KCNK9: variants seen among roughly 807,000 people sequenced by gnomAD.
KCNK9 encodes potassium two pore domain channel subfamily K member 9.
KCNK9 carries 1 observed loss-of-function variant against 10.8 expected under a neutral mutation model. The observed-to-expected ratio is 0.09, with a 90% CI of 0.03 to 0.44. The LOEUF is 0.44. Among genes scored for constraint, KCNK9 ranks in the 20% least tolerant of loss-of-function variants. The probability of loss-of-function intolerance (pLI) is 0.97; values close to 1 mark genes in which losing one functional copy is unlikely to be tolerated. For missense variants in KCNK9, 303 were observed against 515.0 expected (o/e 0.59, Z 3.98); for synonymous variants, 231 against 222.7 (o/e 1.04, Z -0.33).
rs111363261 is a variant in KCNK9, at chr8:139,660,342, C to T, written c.284-41243G>A. On this transcript the variant is annotated intron_variant, in intron 1 of 1. Transcript: ENST00000520439. ...AGGATAGGCCCAGTGTGGTGGCTCA[C>T]GCCTGTAGTCCCAGCACTTTGGGAG... Among the ~76,000 whole-genome samples the T allele has an allele frequency of 2.6e-3, 402 of 152,120 alleles. 2 individuals carry two copies. Among genetic ancestry groups the T allele is most frequent in the African/African-American group, 9.0e-3 (375 of 41,504 alleles).
intron 1 of KCNK9, among the ~76,000 whole-genome samples, chr8:139,698,400 T>C (rs1272207442): frequency 1.3e-5 from 2 of 152,038 alleles, no homozygotes; most frequent in Non-Finnish European, 2.9e-5. Context: ...GCAGAAAACA[T>C]AGTATTTATT....
rs1413911256 is a variant in KCNK9, at chr8:139,700,500, ACACACACACGCGCGCGCGCG to A, written c.283+2190_283+2209del. ...CACATACACATACACACACACACAC[ACACACACACGCGCGCGCGCG>A]CACACACACACACACACACGCGCGC... On this transcript the variant is annotated intron_variant, in intron 1 of 1. Coordinates refer to ENST00000520439, the MANE Select transcript of KCNK9 (RefSeq NM_001282534.2). Among the ~76,000 whole-genome samples, 721 of 137,906 alleles carry A rather than the reference ACACACACACGCGCGCGCGCG, an allele frequency of 5.2e-3. 8 individuals are homozygous for A. Among genetic ancestry groups the A allele is most frequent in the African/African-American group, 0.021 (685 of 32,478 alleles). The allele number at this position is 137,906 out of a possible 152,430, so 90.5% of individuals were successfully genotyped here.
At chr8:139,656,916 G>A (rs1816037218) in intron 1 of KCNK9, among the ~76,000 whole-genome samples, 1 of 152,122 alleles carries the variant, frequency 6.6e-6, no homozygotes, top group South Asian at 2.1e-4. Flanking sequence ...CTCCCAAGAT[G>A]GGGCTCTCCC....
At chr8:139,653,691 G>A (rs780341025) in intron 1 of KCNK9, among the ~76,000 whole-genome samples, 2 of 152,058 alleles carry the variant, frequency 1.3e-5, no homozygotes, top group Non-Finnish European at 2.9e-5. Flanking sequence ...ATACTCAAAC[G>A]CAAATCAGAC....
chr8:139,700,539 C>T (rs1477835103), intron 1 of KCNK9, among the ~76,000 whole-genome samples: 1 of 115,974 alleles, frequency 8.6e-6, no homozygotes. Flanking sequence ...CACACACACA[C>T]GCGCGCACAC....
chr8:139,700,913 G>A (rs896296109), intron 1 of KCNK9, among the ~76,000 whole-genome samples: 15 of 152,154 alleles, frequency 9.9e-5, no homozygotes, highest in South Asian at 2.1e-4. Context: ...CTCAACTCTC[G>A]GGATCAGCCA....
rs187926183 is a variant in KCNK9, at chr8:139,646,356, C to T, written c.284-27257G>A. Among the ~76,000 whole-genome samples the T allele has an allele frequency of 2.6e-3, 399 of 152,336 alleles. 4 individuals are homozygous for T. The highest frequency in any genetic ancestry group is 0.013 in the South Asian group (61 of 4,828). On this transcript the variant is annotated intron_variant, in intron 1 of 1. Coordinates refer to ENST00000520439, the MANE Select transcript of KCNK9 (RefSeq NM_001282534.2). Reference sequence around the variant, plus strand: ...CATTTCTGAGTCTCTTCCAGTATCCCGTAGAGAAGACATGTGATCACGGGC... The same window carrying T: ...CATTTCTGAGTCTCTTCCAGTATCCTGTAGAGAAGACATGTGATCACGGGC...
At chr8:139,630,041 G>C (rs1249729446) in intron 1 of KCNK9, among the ~76,000 whole-genome samples, 2 of 151,876 alleles carry the variant, frequency 1.3e-5, no homozygotes, top group Non-Finnish European at 2.9e-5. Flanking sequence ...GCAGGTTAGT[G>C]GTTGCCTAGG....
At chr8:139,657,721 C>T (rs556481213) in intron 1 of KCNK9, among the ~76,000 whole-genome samples, 10 of 152,300 alleles carry the variant, frequency 6.6e-5, no homozygotes, top group East Asian at 1.9e-4. Flanking sequence ...TAAGCTGCAC[C>T]GCATGGTCAC....
At chr8:139,612,966 C>A (rs1451866973), downstream of KCNK9, among the ~76,000 whole-genome samples, 3 of 152,140 alleles carry the variant, frequency 2.0e-5, no homozygotes, top group Non-Finnish European at 4.4e-5. Flanking sequence ...ACAAGACAAG[C>A]AATTATGGGA....
intron 1 of KCNK9, among the ~76,000 whole-genome samples, chr8:139,668,542 C>T (rs1258148048): frequency 6.6e-6 from 1 of 152,010 alleles, no homozygotes; most frequent in Non-Finnish European, 1.5e-5. Flanking sequence ...CTGCCTCAGC[C>T]TCCCAAGTAG....
chr8:139,609,874 G>A (rs1262783079), downstream of KCNK9, among the ~76,000 whole-genome samples: 1 of 152,138 alleles, frequency 6.6e-6, no homozygotes, highest in Admixed American at 6.5e-5. Context: ...TGGACACTGG[G>A]GCAGGGTGGA....
chr8:139,638,031 C>T lies in KCNK9; in HGVS notation c.284-18932G>A, dbSNP rs778174296. Among the ~76,000 whole-genome samples the T allele has an allele frequency of 3.0e-4, 46 of 152,060 alleles. 1 individual carries two copies. The highest frequency in any genetic ancestry group is 6.2e-4 in the South Asian group (3 of 4,810). On this transcript the variant is annotated intron_variant, in intron 1 of 1. Coordinates refer to ENST00000520439, the MANE Select transcript of KCNK9 (RefSeq NM_001282534.2). The stretch of plus-strand genomic sequence containing the variant: ...GCTCACTGAGCACTCACTGCTGTGA[C>T]CTCCATGGGTTTGTGTCCTCATCTG...
Position 139,703,074 on chromosome 8 carries a change from G to T in KCNK9, c.-82C>A. ...CGTCCCACTGCAGCGCCCGGCGGCCGCCGCCGCCTCCTCCTCCGCCGCCGC... is the reference window on the plus strand; with the variant it reads ...CGTCCCACTGCAGCGCCCGGCGGCCTCCGCCGCCTCCTCCTCCGCCGCCGC... On this transcript the variant is annotated 5_prime_UTR_variant, in exon 1 of 2. Transcript: ENST00000520439. The surrounding 1 kb of genome is among the most constrained non-coding windows in gnomAD (Gnocchi z 6.4). The T allele has an allele frequency of 8.0e-7, 1 of 1,242,688 alleles. No individual in the cohort carries two copies. Among genetic ancestry groups the T allele is most frequent in the Non-Finnish European group, 1.0e-6 (1 of 985,206 alleles). 77.0% of individuals were successfully genotyped at this position (1,242,688 alleles called of 1,614,324 possible). A position where few individuals can be genotyped will look rare whatever the true frequency, so the allele number is the denominator to read the frequency against.
chr8:139,663,934 C>T (rs377461240), intron 1 of KCNK9, among the ~76,000 whole-genome samples: 2 of 152,078 alleles, frequency 1.3e-5, no homozygotes, highest in Admixed American at 6.6e-5. Flanking sequence ...GTCAAGGAAA[C>T]GAGAAGAAAT....
chr8:139,613,836 G>A (rs866510897), downstream of KCNK9, among the ~76,000 whole-genome samples: 6 of 152,292 alleles, frequency 3.9e-5, no homozygotes, highest in Middle Eastern at 3.4e-3. Flanking sequence ...ACAGGCAGCT[G>A]GCCTGCATGG....
At chr8:139,666,636 G>A (rs1245143826) in intron 1 of KCNK9, among the ~76,000 whole-genome samples, 2 of 152,240 alleles carry the variant, frequency 1.3e-5, no homozygotes, top group Non-Finnish European at 2.9e-5. Context: ...CTGAGCCCAG[G>A]CTGCGGAGCC....
chr8:139,701,744 C>T (rs1472581066), intron 1 of KCNK9, among the ~76,000 whole-genome samples: 2 of 152,134 alleles, frequency 1.3e-5, no homozygotes, highest in Non-Finnish European at 2.9e-5. Flanking sequence ...CACGTCCACC[C>T]GAATGAAGGT....
At chr8:139,632,721 A>G (rs1467270887) in intron 1 of KCNK9, among the ~76,000 whole-genome samples, 2 of 152,144 alleles carry the variant, frequency 1.3e-5, no homozygotes, top group East Asian at 3.9e-4. Context: ...CTAAGGTGGG[A>G]TGGTGCCTCC....
Sources: gnomAD v4.1 joint callset for allele counts (sites outside exome capture counted in the v4.1 genomes callset) on GRCh38, gnomAD v4.1.1 for gene constraint, Gnocchi (gnomAD v3.1) non-coding constraint, MANE v1.5 for transcripts, NCBI Gene and HGNC (gene_info 2026-07-23, HGNC 2026-07-21) for gene names.